MOB1B: variants seen among roughly 807,000 people sequenced by gnomAD.
MOB1B encodes the protein MOB1 Mps One Binder homolog B.
In MOB1B, 19 loss-of-function variants were observed where a neutral mutation model predicts 24.4. That is an observed-to-expected ratio of 0.78 (90% CI 0.54 to 1.14). The LOEUF (loss-of-function observed/expected upper bound fraction) is 1.14, where lower values mean the gene tolerates loss of function less well. Among genes scored for constraint, MOB1B ranks in the 50% most tolerant of loss-of-function variants. The probability of loss-of-function intolerance (pLI) is 0.00; values close to 1 mark genes in which losing one functional copy is unlikely to be tolerated. For missense variants in MOB1B, 243 were observed against 259.6 expected (o/e 0.94, Z 0.44); for synonymous variants, 76 against 82.1 (o/e 0.93, Z 0.40).
chr4:70,910,157 C>T (rs1267478714), intron 1 of MOB1B, among the ~76,000 whole-genome samples: 4 of 151,860 alleles, frequency 2.6e-5, no homozygotes, highest in Non-Finnish European at 5.9e-5. Flanking sequence ...TGTCCTGCCT[C>T]CGCCTGCTGA....
rs978941860 is a variant in MOB1B at position 70,979,202 on chromosome 4, AT to A, written c.487del (p.Tyr163IlefsTer8). The A allele has an allele frequency of 6.2e-7, 1 of 1,613,818 alleles. No homozygotes were observed. Among genetic ancestry groups the A allele is most frequent in the African/African-American group, 1.3e-5 (1 of 75,022 alleles). On this transcript the variant is annotated frameshift_variant, in exon 5 of 6. Transcript: ENST00000309395. LOFTEE classifies it high-confidence loss of function. ...ACGCCTCTTTAGGGTTTATGCTCAC[AT>A]TTATCATCAGCATTTTGACCCTGTG... ...LKRLFRVYAH[I>X]YHQHFDPVIQ...
At chr4:70,943,609 AC>A (rs1448787471) in intron 1 of MOB1B, among the ~76,000 whole-genome samples, 6 of 152,220 alleles carry the variant, frequency 3.9e-5, no homozygotes, top group Non-Finnish European at 8.8e-5. Context: ...CTGAAAAAAT[AC>A]CCAAGTGAAT....
At chr4:70,975,417 G>A (rs1003101300) in intron 4 of MOB1B, 131 bp downstream of exon 4, 44 of 1,387,130 alleles carry the variant, frequency 3.2e-5, no homozygotes, top group African/African-American at 2.1e-4. Context: ...TATATGTTAC[G>A]CAGTTCCCAA....
rs768426556 is a variant in MOB1B at position 70,984,552 on chromosome 4, A to G, written c.*2495A>G. On this transcript the variant is annotated 3_prime_UTR_variant, in exon 6 of 6. Transcript: ENST00000309395. ...ATAATTATTTTCCCCCTTGCTCTCT[A>G]TATTAATACGTAGCTATAAAGCAAC... The G allele has an allele frequency of 1.4e-4, 21 of 152,196 alleles. No homozygotes were observed. The highest frequency in any genetic ancestry group is 2.5e-4 in the Non-Finnish European group (17 of 68,026). The allele number at this position is 152,196 out of a possible 1,614,324, so 9.4% of individuals were successfully genotyped here.
chr4:70,910,256 G>T (rs2148866921), intron 1 of MOB1B, among the ~76,000 whole-genome samples: 1 of 152,028 alleles, frequency 6.6e-6, no homozygotes, highest in Non-Finnish European at 1.5e-5. Flanking sequence ...GGCCAGGCTG[G>T]TCTCGAACTC....
rs1739249542 is a variant in MOB1B at position 70,982,564 on chromosome 4, C to T, written c.*507C>T. On this transcript the variant is annotated 3_prime_UTR_variant, in exon 6 of 6. Transcript: ENST00000309395. ...GTTGTAACATATCTATGATAAAAGC[C>T]ATAGTTTACCTAAAATGGTGATTTC... 6.6e-6 allele frequency: 1 copy of T among 152,644 alleles called. No homozygotes were observed. Among genetic ancestry groups the T allele is most frequent in the Non-Finnish European group, 1.5e-5 (1 of 68,072 alleles). The allele number at this position is 152,644 out of a possible 1,614,324, so 9.5% of individuals were successfully genotyped here.
intron 2 of MOB1B, among the ~76,000 whole-genome samples, chr4:70,963,792 C>T (rs941782639): frequency 6.6e-6 from 1 of 152,026 alleles, no homozygotes; most frequent in Admixed American, 6.6e-5. Flanking sequence ...TGCTCTCTAG[C>T]CTGGGTGACA....
At chr4:70,965,796 C>CAA (rs71211986) in intron 2 of MOB1B, among the ~76,000 whole-genome samples, 1,236 of 28,632 alleles carry the variant, frequency 0.043, 246 homozygotes, top group African/African-American at 0.078. Context: ...GACTCCGTCT[C>CAA]AAAAAAAAAA....
At chr4:70,906,779 C>A (rs1027953854) in intron 1 of MOB1B, among the ~76,000 whole-genome samples, 6 of 152,132 alleles carry the variant, frequency 3.9e-5, no homozygotes, top group African/African-American at 7.2e-5. Context: ...ATGGTAGATA[C>A]GGAAACTTCA....
At chr4:70,968,192 T>A (rs1738613491) in intron 2 of MOB1B, among the ~76,000 whole-genome samples, 1 of 152,098 alleles carries the variant, frequency 6.6e-6, no homozygotes, top group Non-Finnish European at 1.5e-5. Context: ...AAGTCACAAA[T>A]ATATTTTTCT....
chr4:70,912,044 C>A (rs1309857032), intron 1 of MOB1B, among the ~76,000 whole-genome samples: 1 of 151,664 alleles, frequency 6.6e-6, no homozygotes, highest in Non-Finnish European at 1.5e-5. Context: ...CTACAGTCGC[C>A]TACCACCATG....
chr4:70,925,109 T>C (rs1415539086), intron 1 of MOB1B, among the ~76,000 whole-genome samples: 1 of 152,170 alleles, frequency 6.6e-6, no homozygotes, highest in Non-Finnish European at 1.5e-5. Flanking sequence ...AATGGCGCAA[T>C]CTGGGCTCAC....
intron 1 of MOB1B, among the ~76,000 whole-genome samples, chr4:70,933,621 G>A (rs1417608497): frequency 7.4e-6 from 1 of 135,554 alleles, no homozygotes; most frequent in African/African-American, 2.8e-5. Flanking sequence ...GTGTGATCTC[G>A]GCTCACTGCA....
At chr4:70,971,167 C>T (rs538713656) in intron 3 of MOB1B, among the ~76,000 whole-genome samples, 11 of 152,190 alleles carry the variant, frequency 7.2e-5, no homozygotes, top group African/African-American at 2.2e-4. Context: ...CTCCCCACCT[C>T]GCCTTTTTGA....
chr4:70,941,754 C>T (rs150359991), intron 1 of MOB1B, among the ~76,000 whole-genome samples: 245 of 152,206 alleles, frequency 1.6e-3, no homozygotes, highest in African/African-American at 5.1e-3. Flanking sequence ...AGAAAATTAA[C>T]ATTCGAACAT....
intron 1 of MOB1B, among the ~76,000 whole-genome samples, chr4:70,930,604 C>CT (rs796333936): frequency 1.2e-4 from 19 of 152,198 alleles, no homozygotes; most frequent in African/African-American, 4.1e-4. Flanking sequence ...AACACTCTAC[C>CT]TTTTTTTATT....
intron 1 of MOB1B, among the ~76,000 whole-genome samples, chr4:70,953,170 C>T (rs1385198245): frequency 6.6e-6 from 1 of 151,780 alleles, no homozygotes; most frequent in Non-Finnish European, 1.5e-5. Context: ...AACTCCTGAC[C>T]TTAAGTGATC....
chr4:70,958,010 T>G (rs374546389), intron 1 of MOB1B, among the ~76,000 whole-genome samples: 1 of 152,130 alleles, frequency 6.6e-6, no homozygotes, highest in Admixed American at 6.5e-5. Context: ...TGTGTGTTTG[T>G]GTCTGTGTCT....
At chr4:70,904,446 C>G (rs867047923) in intron 1 of MOB1B, among the ~76,000 whole-genome samples, 1 of 151,830 alleles carries the variant, frequency 6.6e-6, no homozygotes, top group Non-Finnish European at 1.5e-5. Context: ...TGCTGATGGG[C>G]TTGTGTCTAG....
Sources: allele counts gnomAD v4.1 joint callset (sites outside exome capture counted in the v4.1 genomes callset), GRCh38; gene constraint gnomAD v4.1.1; transcripts MANE v1.5; gene names NCBI Gene and HGNC (gene_info 2026-07-23, HGNC 2026-07-21).